RSPRY1: variants seen among roughly 807,000 people sequenced by gnomAD.
RSPRY1 encodes ring finger and SPRY domain containing 1, also known as RING finger and SPRY domain-containing protein 1.
Under a neutral mutation model 73.1 loss-of-function variants are expected in RSPRY1, and 23 were observed. The ratio of observed to expected loss-of-function variants is 0.31; its 90% confidence interval spans 0.23 to 0.45. The LOEUF (loss-of-function observed/expected upper bound fraction) is 0.45. RSPRY1 is among the 20% of genes least tolerant of loss of function. The pLI is 1.00. For missense variants in RSPRY1, 448 were observed against 698.7 expected (o/e 0.64, Z 4.05); for synonymous variants, 226 against 251.4 (o/e 0.90, Z 0.95).
intron 7 of RSPRY1, among the ~76,000 whole-genome samples, 199 bp from the exon 8 acceptor site, chr16:57,216,705 G>A (rs1055812287): frequency 6.6e-6 from 1 of 152,124 alleles, no homozygotes; most frequent in African/African-American, 2.4e-5. Context: ...AGGCAACAGA[G>A]TGAGACCCTG....
intron 8 of RSPRY1, 101 bp from the exon 9 acceptor site, chr16:57,220,631 C>A: frequency 1.6e-6 from 1 of 620,802 alleles, no homozygotes; most frequent in Admixed American, 2.4e-5. Flanking sequence ...TTTTGGATGC[C>A]CTTTATTTCT....
chr16:57,225,441 A>G (rs1328800734), intron 10 of RSPRY1, among the ~76,000 whole-genome samples: 1 of 152,240 alleles, frequency 6.6e-6, no homozygotes, highest in African/African-American at 2.4e-5. Context: ...CTATTTCAGA[A>G]GAGTCACTTT....
intron 10 of RSPRY1, among the ~76,000 whole-genome samples, chr16:57,226,923 G>T (rs1295014157): frequency 6.6e-6 from 1 of 152,194 alleles, no homozygotes; most frequent in East Asian, 1.9e-4. Flanking sequence ...ATATACAAGT[G>T]TACTGACTGA....
chr16:57,232,945 C>T (rs1246991857), intron 13 of RSPRY1, among the ~76,000 whole-genome samples: 1 of 152,176 alleles, frequency 6.6e-6, no homozygotes, highest in Non-Finnish European at 1.5e-5. Context: ...TAGTGCCAAC[C>T]TCCTTCTTGC....
rs781359677 is a variant in RSPRY1, at chr16:57,220,718, T to G, written c.902-14T>G. 1.7e-5 allele frequency: 26 copies of G among 1,553,828 alleles called. No homozygotes were observed. Among genetic ancestry groups the G allele is most frequent in the Non-Finnish European group, 2.0e-5 (23 of 1,125,534 alleles). On this transcript the variant is annotated splice_polypyrimidine_tract_variant and intron_variant, in intron 8 of 14. Transcript: ENST00000394420. ...CAGCCTGCCTTAGAAACATGAACAC[T>G]CTTTCTTTTGCAGTTTTAAAAGAAG... is the stretch of plus-strand genomic sequence containing the variant.
intron 1 of RSPRY1, among the ~76,000 whole-genome samples, chr16:57,204,010 A>C (rs2074675902): frequency 6.6e-6 from 1 of 152,244 alleles, no homozygotes; most frequent in African/African-American, 2.4e-5. Context: ...TTGTATCATA[A>C]CTTTTTTTTA....
intron 10 of RSPRY1, among the ~76,000 whole-genome samples, chr16:57,224,972 T>G (rs778592188): frequency 6.6e-6 from 1 of 152,216 alleles, no homozygotes; most frequent in Non-Finnish European, 1.5e-5. Context: ...ATGCCTACAT[T>G]TTAGTGGTTT....
rs1401825010 is a variant in RSPRY1 at position 57,218,988 on chromosome 16, G to A, written c.902-1744G>A. On this transcript the variant is annotated intron_variant, in intron 8 of 14. Transcript: ENST00000394420. Reference sequence around the variant, plus strand: ...CCTGACCTCGTGATCCGCCCGCCTCGGCCTCCCAAAGTGCTGGGATTACAG... The same window carrying A: ...CCTGACCTCGTGATCCGCCCGCCTCAGCCTCCCAAAGTGCTGGGATTACAG... Among the ~76,000 whole-genome samples the A allele has an allele frequency of 1.4e-4, 17 of 122,564 alleles. 3 individuals carry two copies. The East Asian group carries it at 3.3e-3, about 24-fold the overall frequency. 80.4% of individuals were successfully genotyped at this position (122,564 alleles called of 152,430 possible).
chr16:57,221,211 A>C, intron 9 of RSPRY1, 61 bp from the exon 10 acceptor site: 2 of 1,586,512 alleles, frequency 1.3e-6, no homozygotes, highest in African/African-American at 1.3e-5. Context: ...CCCAGTAGTC[A>C]GTTATCTTTG....
rs2075343521 is a variant in RSPRY1, at chr16:57,239,073, T to C, written c.*98T>C. The C allele has an allele frequency of 2.0e-6, 1 of 503,376 alleles. No homozygotes were observed. Among genetic ancestry groups the C allele is most frequent in the Non-Finnish European group, 3.3e-6 (1 of 300,208 alleles). The allele number at this position is 503,376 out of a possible 1,614,324, so 31.2% of individuals were successfully genotyped here. ...AACTCTCTAATCAGTTGTACACACA[T>C]TGAAACTTATAGCCATGGCCAGATT... is the stretch of plus-strand genomic sequence containing the variant. On this transcript the variant is annotated 3_prime_UTR_variant, in exon 15 of 15. Coordinates refer to ENST00000394420, the MANE Select transcript of RSPRY1 (RefSeq NM_133368.3).
At chr16:57,189,593 C>CTTTTTTTTTTTTTT (rs544146883) in intron 1 of RSPRY1, among the ~76,000 whole-genome samples, 1 of 124,068 alleles carries the variant, frequency 8.1e-6, no homozygotes, top group Non-Finnish European at 1.6e-5. Flanking sequence ...CTTTTCTTTT[C>CTTTTTTTTTTTTTT]TTTTTTTTTT....
intron 14 of RSPRY1, among the ~76,000 whole-genome samples, chr16:57,235,582 T>G (rs1327508234): frequency 6.6e-6 from 1 of 152,172 alleles, no homozygotes; most frequent in Non-Finnish European, 1.5e-5. Flanking sequence ...TTACTAAATT[T>G]CAGTTGTATG....
intron 1 of RSPRY1, among the ~76,000 whole-genome samples, chr16:57,201,008 G>C (rs1373097350): frequency 6.8e-6 from 1 of 146,380 alleles, no homozygotes; most frequent in Non-Finnish European, 1.5e-5. Flanking sequence ...CCGGGCGGGG[G>C]GCTGACCCCC....
chr16:57,223,884 G>A (rs1237470821), intron 10 of RSPRY1, among the ~76,000 whole-genome samples: 2 of 152,176 alleles, frequency 1.3e-5, no homozygotes, highest in Admixed American at 6.5e-5. Context: ...GTTTGGAAAG[G>A]TATTATCCTG....
chr16:57,230,564 A>G (rs2075199912), intron 11 of RSPRY1, 147 bp from the exon 12 acceptor site: 1 of 498,668 alleles, frequency 2.0e-6, no homozygotes, highest in Admixed American at 3.4e-5. Flanking sequence ...GGGTCAGATC[A>G]GTTACAGAAG....
chr16:57,213,897 G>T lies in RSPRY1; in HGVS notation c.653G>T (p.Ser218Ile). 1 of 1,605,016 alleles carries T rather than the reference G, an allele frequency of 6.2e-7. No individual in the cohort carries two copies. Among genetic ancestry groups the T allele is most frequent in the Non-Finnish European group, 8.5e-7 (1 of 1,171,694 alleles). The change falls in exon 6 of 15, where the codon AGT becomes ATT. Residue 218 changes from serine to isoleucine, a missense_variant. Physicochemically the swap from Ser to Ile is moderately radical, Grantham distance 142. Coordinates refer to ENST00000394420, the MANE Select transcript of RSPRY1 (RefSeq NM_133368.3). ...TGTTGTATTTGTCTAGGTCCTGCAA[G>T]TATAGGTTTACTTAGCCCAGGAATA... ...CLAEKLAGPA[S>I]IGLLSPGILE...
At chr16:57,224,031 ATGAC>A (rs2075082247) in intron 10 of RSPRY1, among the ~76,000 whole-genome samples, 1 of 152,206 alleles carries the variant, frequency 6.6e-6, no homozygotes, top group African/African-American at 2.4e-5. Context: ...CTTCGAGAAA[ATGAC>A]TCTGGCTATC....
intron 1 of RSPRY1, among the ~76,000 whole-genome samples, chr16:57,189,661 G>A (rs947499608): frequency 5.0e-4 from 72 of 143,080 alleles, no homozygotes; most frequent in African/African-American, 1.7e-3. Context: ...GTGCAATCAC[G>A]GCTCACAGAA....
rs565610243 is a variant in RSPRY1 at position 57,210,188 on chromosome 16, C to T, written c.516+1001C>T. ...CAACCTCTCAGGTTCAAGTGATCCTCTTGCCTCAGCTTCCCATGTTGCTGG... is the reference window on the plus strand; with the variant it reads ...CAACCTCTCAGGTTCAAGTGATCCTTTTGCCTCAGCTTCCCATGTTGCTGG... On this transcript the variant is annotated intron_variant, in intron 4 of 14. Coordinates refer to ENST00000394420, the MANE Select transcript of RSPRY1 (RefSeq NM_133368.3). Among the ~76,000 whole-genome samples the T allele has an allele frequency of 1.8e-4, 28 of 152,048 alleles. No individual in the cohort carries two copies. In the South Asian group the frequency reaches 5.2e-3, roughly 28 times the overall value.
Sources: gnomAD v4.1 joint callset for allele counts (sites outside exome capture counted in the v4.1 genomes callset) on GRCh38, gnomAD v4.1.1 for gene constraint, MANE v1.5 for transcripts, NCBI Gene and HGNC (gene_info 2026-07-23, HGNC 2026-07-21) for gene names.